The following DOCK7 variants were observed in gnomAD, a reference collection of about 807,000 sequenced individuals.
The protein encoded by DOCK7 is dedicator of cytokinesis protein 7.
In DOCK7, 138 loss-of-function variants were observed where a neutral mutation model predicts 271.0. The observed-to-expected ratio is 0.51, with a 90% CI of 0.44 to 0.59. The LOEUF (loss-of-function observed/expected upper bound fraction) is 0.59. DOCK7 is among the 20% of genes least tolerant of loss of function. The probability of loss-of-function intolerance (pLI) is 0.00; values close to 1 mark genes in which losing one functional copy is unlikely to be tolerated. For missense variants in DOCK7, 2,066 were observed against 2,592.4 expected (o/e 0.80, Z 4.41); for synonymous variants, 823 against 876.1 (o/e 0.94, Z 1.07).
chr1:62,677,737 C>T (rs961107137), intron 1 of DOCK7, among the ~76,000 whole-genome samples: 1 of 152,168 alleles, frequency 6.6e-6, no homozygotes, highest in Non-Finnish European at 1.5e-5. Flanking sequence ...ATAACAGGCT[C>T]TGTTTTCTAG....
intron 22 of DOCK7, among the ~76,000 whole-genome samples, chr1:62,545,291 G>C (rs982569102): frequency 8.6e-5 from 13 of 151,670 alleles, no homozygotes; most frequent in African/African-American, 3.1e-4. Flanking sequence ...TTATGTAAAG[G>C]AATACTCTTG....
intron 48 of DOCK7, among the ~76,000 whole-genome samples, chr1:62,468,150 CGGGAG>C: frequency 6.6e-6 from 1 of 151,950 alleles, no homozygotes; most frequent in Non-Finnish European, 1.5e-5. Context: ...CGCCTGAGGT[CGGGAG>C]TTCGAGACCA....
At chr1:62,557,333 CATTA>C (rs1026557271) in intron 20 of DOCK7, among the ~76,000 whole-genome samples, 5 of 151,688 alleles carry the variant, frequency 3.3e-5, no homozygotes, top group African/African-American at 1.2e-4. Context: ...AGAATTGCTT[CATTA>C]ATTAACCTCT....
At chr1:62,614,130 A>G (rs1652152234) in intron 14 of DOCK7, among the ~76,000 whole-genome samples, 1 of 152,070 alleles carries the variant, frequency 6.6e-6, no homozygotes, top group South Asian at 2.1e-4. Context: ...GAGAAGGCAA[A>G]AAGAATCCAA....
chr1:62,637,548 A>G (rs1298410138), intron 7 of DOCK7, among the ~76,000 whole-genome samples: 1 of 152,218 alleles, frequency 6.6e-6, no homozygotes, highest in Admixed American at 6.5e-5. Context: ...AGTCCCTGAC[A>G]ACAAAGAACC....
Position 62,679,499 on chromosome 1 carries a change from G to A in DOCK7, c.38+8728C>T, listed in dbSNP as rs138271600. On this transcript the variant is annotated intron_variant, in intron 1 of 49. Transcript: ENST00000635253. The stretch of plus-strand genomic sequence containing the variant: ...GGATAACAGCAAAATATTTAAATAA[G>A]CAATTTACATAAGAAGAAATTCAAA... Among the ~76,000 whole-genome samples, 392 of 152,216 alleles carry A rather than the reference G, an allele frequency of 2.6e-3. 12 individuals carry two copies. In the East Asian group the frequency reaches 0.044, roughly 17 times the overall value.
chr1:62,506,426 T>G (rs1210326378), intron 35 of DOCK7, among the ~76,000 whole-genome samples: 1 of 151,934 alleles, frequency 6.6e-6, no homozygotes, highest in African/African-American at 2.4e-5. Flanking sequence ...CTTATTAAAT[T>G]TTTTCTATTT....
chr1:62,555,511 A>G (rs1412313612), intron 21 of DOCK7, among the ~76,000 whole-genome samples: 3 of 152,142 alleles, frequency 2.0e-5, no homozygotes, highest in Non-Finnish European at 2.9e-5. Context: ...AGGGGCAAGC[A>G]ATTCCTTATC....
At chr1:62,568,097 T>G (rs1646582785) in intron 18 of DOCK7, among the ~76,000 whole-genome samples, 1 of 151,482 alleles carries the variant, frequency 6.6e-6, no homozygotes, top group Non-Finnish European at 1.5e-5. Context: ...TCAAAGAAAC[T>G]CACTCAAAAC....
intron 19 of DOCK7, among the ~76,000 whole-genome samples, chr1:62,561,208 T>C (rs562227487): frequency 2.6e-5 from 4 of 152,278 alleles, no homozygotes; most frequent in African/African-American, 9.6e-5. Context: ...AGAAAGAGGA[T>C]GTATAAAACC....
chr1:62,653,017 A>G (rs528586193), intron 4 of DOCK7, among the ~76,000 whole-genome samples: 9 of 152,332 alleles, frequency 5.9e-5, no homozygotes, highest in Admixed American at 5.2e-4. Flanking sequence ...GCTATTTTGC[A>G]TAGATTATTT....
chr1:62,638,639 A>G (rs1655589796), intron 7 of DOCK7, among the ~76,000 whole-genome samples: 1 of 148,746 alleles, frequency 6.7e-6, no homozygotes, highest in Admixed American at 6.7e-5. Flanking sequence ...ATGAATATAT[A>G]TATTTTTTCA....
chr1:62,539,328 C>T (rs116570020), intron 27 of DOCK7, among the ~76,000 whole-genome samples: 431 of 152,288 alleles, frequency 2.8e-3, no homozygotes, highest in African/African-American at 8.8e-3. Flanking sequence ...CAAGGAAATA[C>T]TGGCTGTACT....
intron 14 of DOCK7, chr1:62,604,864 C>A: frequency 6.5e-7 from 1 of 1,527,226 alleles, no homozygotes; most frequent in South Asian, 1.1e-5. Flanking sequence ...AACCTCATTC[C>A]AAGTTAATGT....
At chr1:62,586,737 G>T in intron 14 of DOCK7, 113 bp from the exon 15 acceptor site, 1 of 560,218 alleles carries the variant, frequency 1.8e-6, no homozygotes, top group Non-Finnish European at 3.0e-6. Context: ...ATATTGGCTA[G>T]CAATTATGCT....
chr1:62,485,329 TTA>T (rs1427881903), intron 43 of DOCK7: 1 of 985,166 alleles, frequency 1.0e-6, no homozygotes, highest in African/African-American at 1.7e-5. Flanking sequence ...ATACTAAGTT[TTA>T]GAGTTATCTT....
chr1:62,586,994 A>G (rs1468899487), intron 14 of DOCK7, among the ~76,000 whole-genome samples: 2 of 152,144 alleles, frequency 1.3e-5, no homozygotes, highest in Non-Finnish European at 2.9e-5. Flanking sequence ...ATTAAGTTAA[A>G]AAAATAGTTC....
intron 16 of DOCK7, among the ~76,000 whole-genome samples, chr1:62,581,547 AC>A (rs1647122229): frequency 6.6e-6 from 1 of 152,284 alleles, no homozygotes; most frequent in Admixed American, 6.5e-5. Context: ...ATATATCTGT[AC>A]TTCAGAAGGA....
At chr1:62,639,826 A>G (rs1190060996) in intron 7 of DOCK7, among the ~76,000 whole-genome samples, 5 of 152,108 alleles carry the variant, frequency 3.3e-5, no homozygotes, top group Admixed American at 2.0e-4. Flanking sequence ...TGAAGAAACC[A>G]ACACAAATCC....
Sources: allele counts gnomAD v4.1 joint callset (sites outside exome capture counted in the v4.1 genomes callset), GRCh38; gene constraint gnomAD v4.1.1; transcripts MANE v1.5; gene names NCBI Gene and HGNC (gene_info 2026-07-23, HGNC 2026-07-21).